SORCS1: variants seen among roughly 807,000 people sequenced by gnomAD.
SORCS1 encodes sortilin related VPS10 domain containing receptor 1.
SORCS1 carries 60 observed loss-of-function variants against 146.1 expected under a neutral mutation model. That is an observed-to-expected ratio of 0.41 (90% confidence interval 0.33 to 0.51). The LOEUF (loss-of-function observed/expected upper bound fraction) is 0.51. Ranked by LOEUF, SORCS1 falls within the 20% of genes least tolerant of loss-of-function variation. The pLI, the probability that SORCS1 is intolerant of heterozygous loss-of-function variation, is 0.21. For synonymous variants in SORCS1, 637 were observed against 584.0 expected, an observed-to-expected ratio of 1.09 and a Z score of -1.31; for missense variants, 1,352 against 1,487.6, an observed-to-expected ratio of 0.91 and a Z score of 1.50.
intron 5 of SORCS1, among the ~76,000 whole-genome samples, chr10:106,739,166 T>C (rs1450692327): frequency 6.6e-6 from 1 of 152,150 alleles, no homozygotes; most frequent in Non-Finnish European, 1.5e-5. Flanking sequence ...GTCCAGAGTT[T>C]GGCCCACTCT....
intron 1 of SORCS1, among the ~76,000 whole-genome samples, chr10:107,045,403 A>C (rs1226976125): frequency 6.6e-6 from 1 of 152,220 alleles, no homozygotes. Context: ...GAAAAGGTCA[A>C]TAAAATGAAT....
intron 1 of SORCS1, among the ~76,000 whole-genome samples, chr10:107,132,868 T>TA (rs1966969220): frequency 1.3e-5 from 2 of 151,684 alleles, no homozygotes; most frequent in East Asian, 2.0e-4. Flanking sequence ...TAAAAAAAAA[T>TA]AAAAAACGAG....
At chr10:106,662,374 A>G (rs771403932) in intron 17 of SORCS1, among the ~76,000 whole-genome samples, 7 of 152,146 alleles carry the variant, frequency 4.6e-5, no homozygotes, top group Admixed American at 6.5e-5. Flanking sequence ...AAACTCTCAG[A>G]AAGGTGATGC....
At chr10:106,678,621 GATTGCTAAACCTC>G (rs1160734753) in intron 12 of SORCS1, among the ~76,000 whole-genome samples, 1 of 152,190 alleles carries the variant, frequency 6.6e-6, no homozygotes, top group East Asian at 1.9e-4. Context: ...ATCTTGTTAA[GATTGCTAAACCTC>G]ATTAAATGCC....
At chr10:107,108,584 T>A (rs370920675) in intron 1 of SORCS1, among the ~76,000 whole-genome samples, 4 of 152,050 alleles carry the variant, frequency 2.6e-5, no homozygotes, top group Admixed American at 1.3e-4. Flanking sequence ...ACCTCAAACA[T>A]TGGGGATTAC....
intron 1 of SORCS1, among the ~76,000 whole-genome samples, chr10:107,054,025 T>C (rs1258880112): frequency 6.6e-6 from 1 of 152,168 alleles, no homozygotes; most frequent in East Asian, 1.9e-4. Flanking sequence ...AGATTCAGAT[T>C]GAATTGATCA....
At chr10:106,751,891 T>C (rs1390821922) in intron 5 of SORCS1, among the ~76,000 whole-genome samples, 1 of 152,190 alleles carries the variant, frequency 6.6e-6, no homozygotes, top group Non-Finnish European at 1.5e-5. Context: ...AAGATAGAAA[T>C]ATGTTAAAGG....
chr10:107,065,498 C>T (rs1961732193), intron 1 of SORCS1, among the ~76,000 whole-genome samples: 2 of 87,048 alleles, frequency 2.3e-5, no homozygotes, highest in African/African-American at 1.1e-4. Flanking sequence ...CTCTCCTCTC[C>T]TCTCCTCTCC....
At chr10:107,006,400 A>C (rs1382734744) in intron 1 of SORCS1, among the ~76,000 whole-genome samples, 5 of 152,262 alleles carry the variant, frequency 3.3e-5, no homozygotes, top group Non-Finnish European at 7.3e-5. Context: ...TGGCACAGGG[A>C]AACACTATTT....
At chr10:107,069,718 C>T (rs6584789) in intron 1 of SORCS1, among the ~76,000 whole-genome samples, 1 of 151,998 alleles carries the variant, frequency 6.6e-6, no homozygotes, top group Non-Finnish European at 1.5e-5. Context: ...TAGATAAATT[C>T]GTTTTTGTTT....
chr10:106,607,143 G>C, intron 23 of SORCS1, 23 bp downstream of exon 23: 1 of 1,612,020 alleles, frequency 6.2e-7, no homozygotes, highest in Non-Finnish European at 8.5e-7. Context: ...AGCTGAAAAC[G>C]TCTCCTTTTC....
intron 24 of SORCS1, among the ~76,000 whole-genome samples, chr10:106,590,600 C>T (rs1404642327): frequency 6.6e-6 from 1 of 152,120 alleles, no homozygotes. Flanking sequence ...AGATTCAGGG[C>T]CTTCCAGATT....
At chr10:106,991,854 C>T (rs2015403) in intron 1 of SORCS1, among the ~76,000 whole-genome samples, 26,528 of 152,214 alleles carry the variant, frequency 0.17, 7,072 homozygotes, top group African/African-American at 0.58. Flanking sequence ...TTTCCTTTTG[C>T]AGCTTCCTTT....
chr10:107,141,576 T>C (rs1321593425), intron 1 of SORCS1, among the ~76,000 whole-genome samples: 1 of 152,216 alleles, frequency 6.6e-6, no homozygotes, highest in East Asian at 1.9e-4. Flanking sequence ...AAGTTATTAT[T>C]ACTGTTCCTA....
intron 1 of SORCS1, among the ~76,000 whole-genome samples, chr10:106,992,360 T>C (rs1934676158): frequency 6.6e-6 from 1 of 152,208 alleles, no homozygotes; most frequent in South Asian, 2.1e-4. Context: ...TTAAAAGCAA[T>C]AGATCATGAC....
At chr10:107,104,391 G>T (rs1173330812) in intron 1 of SORCS1, among the ~76,000 whole-genome samples, 2 of 152,192 alleles carry the variant, frequency 1.3e-5, no homozygotes, top group East Asian at 3.9e-4. Flanking sequence ...TGTTTGGCTT[G>T]AAAGGTCTGG....
chr10:106,995,218 G>C (rs1956942575), intron 1 of SORCS1, among the ~76,000 whole-genome samples: 1 of 151,756 alleles, frequency 6.6e-6, no homozygotes, highest in South Asian at 2.1e-4. Context: ...GGAGGCTGAG[G>C]CAGGAGAATG....
chr10:106,716,052 C>T (rs1855349351), intron 6 of SORCS1, among the ~76,000 whole-genome samples: 1 of 152,124 alleles, frequency 6.6e-6, no homozygotes, highest in African/African-American at 2.4e-5. Flanking sequence ...CACCCGGCCA[C>T]TTCTTTCTTT....
chr10:107,009,170 T>C (rs906917609), intron 1 of SORCS1, among the ~76,000 whole-genome samples: 6 of 152,198 alleles, frequency 3.9e-5, no homozygotes, highest in African/African-American at 7.2e-5. Context: ...TGATCAAGTA[T>C]GGCAAAAATG....
Sources: allele counts gnomAD v4.1 joint callset (sites outside exome capture counted in the v4.1 genomes callset), GRCh38; gene constraint gnomAD v4.1.1; transcripts MANE v1.5; gene names NCBI Gene and HGNC (gene_info 2026-07-23, HGNC 2026-07-21).